TUNAR: variants seen among roughly 807,000 people sequenced by gnomAD.
The protein encoded by TUNAR is transmembrane neural differentiation associated intracellular calcium regulator, also known as protein TUNAR.
At chr14:95,878,645 T>A (rs1469166181) in intron 2 of TUNAR, among the ~76,000 whole-genome samples, 1 of 152,220 alleles carries the variant, frequency 6.6e-6, no homozygotes, top group Non-Finnish European at 1.5e-5. Flanking sequence ...GGTTGTTGAT[T>A]TCCAAGAAGA....
rs77469782 is a variant in TUNAR, at chr14:95,900,835, G to A, written c.13-21946G>A. On this transcript the variant is annotated intron_variant, in intron 2 of 2. Coordinates refer to ENST00000678517, the Ensembl canonical transcript of TUNAR. ...AGAAGCAGATGCCCTTAGAAGGGAT[G>A]CAGCCACCTTCTCCACATCGCCATT... Among the ~76,000 whole-genome samples the A allele has an allele frequency of 2.6e-3, 395 of 152,348 alleles. 4 individuals carry two copies. Among genetic ancestry groups the A allele is most frequent in the African/African-American group, 9.1e-3 (379 of 41,578 alleles).
At chr14:95,897,164 T>C (rs1326211355) in intron 2 of TUNAR, among the ~76,000 whole-genome samples, 1 of 152,222 alleles carries the variant, frequency 6.6e-6, no homozygotes, top group African/African-American at 2.4e-5. Flanking sequence ...TCCTATAAAC[T>C]CATTTAATCC....
intron 2 of TUNAR, among the ~76,000 whole-genome samples, chr14:95,886,664 C>T (rs1018191359): frequency 6.6e-6 from 1 of 152,334 alleles, no homozygotes; most frequent in East Asian, 1.9e-4. Flanking sequence ...CAATTCCACC[C>T]TCCATGGGTC....
intron 2 of TUNAR, among the ~76,000 whole-genome samples, chr14:95,898,080 A>T (rs1003854639): frequency 6.6e-6 from 1 of 152,024 alleles, no homozygotes; most frequent in Non-Finnish European, 1.5e-5. Context: ...CCTGGGTTGG[A>T]GGCTCTGTTT....
At chr14:95,885,861 G>A (rs1472049218) in intron 2 of TUNAR, among the ~76,000 whole-genome samples, 1 of 152,304 alleles carries the variant, frequency 6.6e-6, no homozygotes, top group East Asian at 1.9e-4. Flanking sequence ...GTGGGAATGA[G>A]CATGGTTGTC....
chr14:95,902,816 C>T (rs996036681), intron 2 of TUNAR, among the ~76,000 whole-genome samples: 3 of 152,172 alleles, frequency 2.0e-5, no homozygotes, highest in African/African-American at 4.8e-5. Flanking sequence ...TCTGCATTTC[C>T]CTGCATCGTT....
Position 95,912,564 on chromosome 14 carries a change from C to G in TUNAR, c.13-10217C>G, listed in dbSNP as rs115919691. Among the ~76,000 whole-genome samples the G allele has an allele frequency of 5.5e-3, 832 of 152,276 alleles. 12 individuals are homozygous for G. The highest frequency in any genetic ancestry group is 0.019 in the African/African-American group (779 of 41,566). ...AGATAGATGAAGTTCCAGTCAACCACTTTTTCCCCCTGAAATTTCAAGATA... is the reference window on the plus strand; with the variant it reads ...AGATAGATGAAGTTCCAGTCAACCAGTTTTTCCCCCTGAAATTTCAAGATA... On this transcript the variant is annotated intron_variant, in intron 2 of 2. Coordinates refer to ENST00000678517, the Ensembl canonical transcript of TUNAR.
intron 2 of TUNAR, among the ~76,000 whole-genome samples, chr14:95,909,592 T>G (rs573816889): frequency 6.6e-6 from 1 of 152,290 alleles, no homozygotes; most frequent in Non-Finnish European, 1.5e-5. Flanking sequence ...CGCTGCCATC[T>G]CTTTATAGGG....
chr14:95,883,234 T>C (rs1889009797), intron 2 of TUNAR, among the ~76,000 whole-genome samples: 1 of 152,206 alleles, frequency 6.6e-6, no homozygotes, highest in South Asian at 2.1e-4. Context: ...GGTCTGAAAA[T>C]TCTCTGTAGA....
chr14:95,891,446 C>T (rs192674791), intron 2 of TUNAR, among the ~76,000 whole-genome samples: 14 of 152,328 alleles, frequency 9.2e-5, no homozygotes, highest in Admixed American at 5.9e-4. Flanking sequence ...AAAACCCCTT[C>T]GGGGGCACAG....
At chr14:95,884,626 G>A (rs1231910277) in intron 2 of TUNAR, among the ~76,000 whole-genome samples, 1 of 152,158 alleles carries the variant, frequency 6.6e-6, no homozygotes, top group African/African-American at 2.4e-5. Flanking sequence ...TGTCAAAGTG[G>A]CTCTAGAACT....
chr14:95,907,086 C>T (rs1165790550), intron 2 of TUNAR, among the ~76,000 whole-genome samples: 1 of 152,214 alleles, frequency 6.6e-6, no homozygotes, highest in Non-Finnish European at 1.5e-5. Flanking sequence ...TCTAAGTTAA[C>T]ATTGGGTCCT....
At chr14:95,879,308 T>A (rs1028483920) in intron 2 of TUNAR, among the ~76,000 whole-genome samples, 5 of 152,196 alleles carry the variant, frequency 3.3e-5, no homozygotes, top group African/African-American at 1.2e-4. Flanking sequence ...TGTTTGAAAT[T>A]CACAAAACCA....
At chr14:95,901,138 G>A (rs997819780) in intron 2 of TUNAR, among the ~76,000 whole-genome samples, 4 of 152,202 alleles carry the variant, frequency 2.6e-5, no homozygotes, top group African/African-American at 9.6e-5. Context: ...TGTGTTTAAC[G>A]GACAAGCAAG....
In TUNAR at chr14:95,911,706, A is replaced by C. The variant is rs146711796; in HGVS notation, c.13-11075A>C. On this transcript the variant is annotated intron_variant, in intron 2 of 2. Coordinates refer to ENST00000678517, the Ensembl canonical transcript of TUNAR. ...TCAGAATTACAGTTGAGCCTGAGCC[A>C]CTCCATTGAAAGCAGCCAGCAAGTA... Among the ~76,000 whole-genome samples the C allele has an allele frequency of 1.1e-4, 17 of 152,266 alleles. No individual in the cohort carries two copies. In the East Asian group the frequency reaches 3.3e-3, roughly 29 times the overall value.
At chr14:95,892,542 ATGTT>A (rs1889199322) in intron 2 of TUNAR, among the ~76,000 whole-genome samples, 1 of 152,148 alleles carries the variant, frequency 6.6e-6, no homozygotes, top group African/African-American at 2.4e-5. Flanking sequence ...TGAGGAAGCT[ATGTT>A]TGGGGAAGTG....
intron 2 of TUNAR, among the ~76,000 whole-genome samples, chr14:95,919,383 A>G (rs547827863): frequency 1.3e-5 from 2 of 152,388 alleles, no homozygotes; most frequent in South Asian, 4.1e-4. Context: ...AACATGCAGC[A>G]TGCTGCAGTG....
Position 95,913,933 on chromosome 14 carries a change from A to G in TUNAR, c.13-8848A>G, listed in dbSNP as rs1595125146. Among the ~76,000 whole-genome samples the G allele has an allele frequency of 2.0e-5, 3 of 152,170 alleles. No individual in the cohort carries two copies. In the South Asian group the frequency reaches 6.2e-4, roughly 32 times the overall value. On this transcript the variant is annotated intron_variant, in intron 2 of 2. Coordinates refer to ENST00000678517, the Ensembl canonical transcript of TUNAR. The stretch of plus-strand genomic sequence containing the variant: ...TTTATAGTAGAGACGGGGTTTCACC[A>G]TGTTGGTCAGGATGATCTCGATCAC...
At chr14:95,916,014 T>C (rs950445210) in intron 2 of TUNAR, among the ~76,000 whole-genome samples, 5 of 152,160 alleles carry the variant, frequency 3.3e-5, no homozygotes, top group Admixed American at 2.6e-4. Flanking sequence ...TTAAAAAAAA[T>C]TGTTTTTGCT....
Sources: gnomAD v4.1 joint callset for allele counts (sites outside exome capture counted in the v4.1 genomes callset) on GRCh38, gnomAD v4.1.1 for gene constraint, MANE v1.5 for transcripts, NCBI Gene and HGNC (gene_info 2026-07-23, HGNC 2026-07-21) for gene names.